PARD6B: variants seen among roughly 807,000 people sequenced by gnomAD.
PARD6B encodes the protein partitioning defective 6 homolog beta.
In PARD6B, 4 loss-of-function variants were observed where a neutral mutation model predicts 10.5. That is an observed-to-expected ratio of 0.38 (90% confidence interval 0.19 to 0.87). The LOEUF (loss-of-function observed/expected upper bound fraction) is 0.87, where lower values mean the gene tolerates loss of function less well. Among genes scored for constraint, PARD6B ranks in the 40% least tolerant of loss-of-function variants. PARD6B has a pLI of 0.41. For missense variants in PARD6B, 396 were observed against 470.6 expected (o/e 0.84, Z 1.47); for synonymous variants, 169 against 170.4 (o/e 0.99, Z 0.07).
chr20:50,751,645 T>G lies in PARD6B; in HGVS notation c.*1157T>G. ...ACAGGCGTGAGCCACCGCGCCCAGT[T>G]GTGCATTTCTGGTTTCTAAGAATCA... On this transcript the variant is annotated 3_prime_UTR_variant, in exon 3 of 3. Coordinates refer to ENST00000371610, the MANE Select transcript of PARD6B (RefSeq NM_032521.3). The G allele has an allele frequency of 1.0e-6, 1 of 984,948 alleles. No homozygotes were observed. Among genetic ancestry groups the G allele is most frequent in the Middle Eastern group, 5.2e-4 (1 of 1,912 alleles). The allele number at this position is 984,948 out of a possible 1,614,324, so 61.0% of individuals were successfully genotyped here. A position where few individuals can be genotyped will look rare whatever the true frequency, so the allele number is the denominator to read the frequency against.
intron 1 of PARD6B, 82 bp from the exon 2 acceptor site, chr20:50,737,775 A>G: frequency 1.1e-6 from 1 of 919,892 alleles, no homozygotes; most frequent in South Asian, 2.0e-5. Context: ...CTGCTCGTTA[A>G]TTTTTCTATG....
chr20:50,748,909 C>T (rs1019348607), intron 2 of PARD6B, among the ~76,000 whole-genome samples: 29 of 152,142 alleles, frequency 1.9e-4, no homozygotes, highest in African/African-American at 7.0e-4. Context: ...CACAGTAGCT[C>T]TCACCTGTAC....
intron 1 of PARD6B, 140 bp downstream of exon 1, chr20:50,731,992 G>T: frequency 1.8e-5 from 8 of 450,650 alleles, no homozygotes; most frequent in Non-Finnish European, 2.7e-5. Context: ...GAGACTGTGG[G>T]TAATAAACTT....
intron 1 of PARD6B, among the ~76,000 whole-genome samples, chr20:50,734,319 A>G (rs1468556685): frequency 2.0e-5 from 3 of 152,014 alleles, no homozygotes; most frequent in Non-Finnish European, 4.4e-5. Flanking sequence ...CTGATTGCTA[A>G]GAGTTTATAA....
At chr20:50,735,116 C>T (rs1326210298) in intron 1 of PARD6B, among the ~76,000 whole-genome samples, 1 of 151,160 alleles carries the variant, frequency 6.6e-6, no homozygotes, top group Non-Finnish European at 1.5e-5. Flanking sequence ...CGCCACTGCA[C>T]TTCAGAGCCT....
intron 2 of PARD6B, among the ~76,000 whole-genome samples, chr20:50,747,911 A>C (rs1318473500): frequency 6.6e-6 from 1 of 152,250 alleles, no homozygotes; most frequent in Non-Finnish European, 1.5e-5. Flanking sequence ...AGTTTGCCAG[A>C]GTCCTACTAC....
chr20:50,735,404 A>C (rs968357589), intron 1 of PARD6B, among the ~76,000 whole-genome samples: 5 of 152,184 alleles, frequency 3.3e-5, no homozygotes, highest in African/African-American at 1.2e-4. Flanking sequence ...TTGAGTCATA[A>C]AATTTCCTAA....
intron 1 of PARD6B, among the ~76,000 whole-genome samples, chr20:50,732,137 G>T (rs1178872207): frequency 6.6e-6 from 1 of 152,238 alleles, no homozygotes; most frequent in East Asian, 1.9e-4. Flanking sequence ...TAGGGGCCAA[G>T]GTATATCCAA....
chr20:50,753,387 G>A lies in PARD6B; in HGVS notation c.*2899G>A. ...TGGTAGGCTGAATCAATTATTTCAA[G>A]TGCACCTTATTAACAAAAGTATCAG... is the stretch of plus-strand genomic sequence containing the variant. On this transcript the variant is annotated 3_prime_UTR_variant, in exon 3 of 3. Transcript: ENST00000371610. 1 of 984,918 alleles carries A rather than the reference G, an allele frequency of 1.0e-6. No homozygotes were observed. Among genetic ancestry groups the A allele is most frequent in the Non-Finnish European group, 1.2e-6 (1 of 829,164 alleles). The allele number at this position is 984,918 out of a possible 1,614,324, so 61.0% of individuals were successfully genotyped here. A position where few individuals can be genotyped will look rare whatever the true frequency, so the allele number is the denominator to read the frequency against.
chr20:50,745,442 C>G (rs536686061), intron 2 of PARD6B, among the ~76,000 whole-genome samples: 3 of 151,472 alleles, frequency 2.0e-5, no homozygotes, highest in African/African-American at 7.3e-5. Context: ...CCAGATCTAT[C>G]TCATTTAACC....
At chr20:50,744,441 T>C (rs546220972) in intron 2 of PARD6B, among the ~76,000 whole-genome samples, 9 of 152,238 alleles carry the variant, frequency 5.9e-5, no homozygotes, top group Admixed American at 5.9e-4. Context: ...GTCCTCCCCC[T>C]CCACGTCCTT....
chr20:50,751,813 T>C lies in PARD6B; in HGVS notation c.*1325T>C, dbSNP rs1293369045. 16 of 928,550 alleles carry C rather than the reference T, an allele frequency of 1.7e-5. No individual in the cohort carries two copies. In the Admixed American group the frequency reaches 3.2e-4, roughly 18 times the overall value. 57.5% of individuals were successfully genotyped at this position (928,550 alleles called of 1,614,324 possible). ...AGCTCCCGGGTTCAAGCAATTCTCC[T>C]GCCTCAGCCTTCTGAGTAGCTAAGA... On this transcript the variant is annotated 3_prime_UTR_variant, in exon 3 of 3. Coordinates refer to ENST00000371610, the MANE Select transcript of PARD6B (RefSeq NM_032521.3).
chr20:50,731,711 C>T lies in PARD6B; in HGVS notation c.-76C>T. 8 of 1,300,100 alleles carry T rather than the reference C, an allele frequency of 6.2e-6. No individual in the cohort carries two copies. The highest frequency in any genetic ancestry group is 8.0e-6 in the Non-Finnish European group (8 of 1,005,650). The allele number at this position is 1,300,100 out of a possible 1,614,324, so 80.5% of individuals were successfully genotyped here. A position where few individuals can be genotyped will look rare whatever the true frequency, so the allele number is the denominator to read the frequency against. ...GGCCGCAACCGCTTTCCGAGATCCC[C>T]AGTCGCGCACTCGCTCCCCGCGCTC... On this transcript the variant is annotated 5_prime_UTR_variant, in exon 1 of 3. Transcript: ENST00000371610.
intron 2 of PARD6B, among the ~76,000 whole-genome samples, chr20:50,744,470 G>A (rs568521421): frequency 2.6e-5 from 4 of 152,272 alleles, no homozygotes; most frequent in African/African-American, 9.6e-5. Flanking sequence ...TGCAGCCGGA[G>A]TGAGCTTTGT....
At chr20:50,736,509 T>G (rs554134131) in intron 1 of PARD6B, among the ~76,000 whole-genome samples, 14 of 152,334 alleles carry the variant, frequency 9.2e-5, no homozygotes, top group Admixed American at 7.2e-4. Flanking sequence ...AAAGTGCTGG[T>G]CTCCGCAGTG....
chr20:50,731,882 C>CGGGCCTGGGGGGCCG, intron 1 of PARD6B, 30 bp downstream of exon 1: 1 of 1,407,846 alleles, frequency 7.1e-7, no homozygotes, highest in Non-Finnish European at 9.2e-7. Flanking sequence ...GGCGGAGCGG[C>CGGGCCTGGGGGGCCG]GGGCCTGGGG....
Position 50,749,693 on chromosome 20 carries a change from G to A in PARD6B, c.324G>A (p.Thr108=), listed in dbSNP as rs972739445. The A allele has an allele frequency of 9.9e-6, 16 of 1,610,232 alleles. No homozygotes were observed. Among genetic ancestry groups the A allele is most frequent in the African/African-American group, 2.7e-5 (2 of 74,694 alleles). Reference sequence around the variant, plus strand: ...ACTACAGTGCCTTTGGTACAGACACGCTAATAAAGAAGAAGAATGTTTTAA... The same window carrying A: ...ACTACAGTGCCTTTGGTACAGACACACTAATAAAGAAGAAGAATGTTTTAA... ...EADYSAFGTD[T]LIKKKNVLTN... The change falls in exon 3 of 3, where the codon ACG becomes ACA. Residue 108 remains threonine (T), a synonymous_variant. Coordinates refer to ENST00000371610, the MANE Select transcript of PARD6B (RefSeq NM_032521.3).
Position 50,742,165 on chromosome 20 carries a change from T to G in PARD6B, c.289+4086T>G, listed in dbSNP as rs548338112. ...CCTCCCAGGTTCTTGTGCCTCAGCTTCCAGAGTGGCTGGGACTACAGATGC... is the reference window on the plus strand; with the variant it reads ...CCTCCCAGGTTCTTGTGCCTCAGCTGCCAGAGTGGCTGGGACTACAGATGC... On this transcript the variant is annotated intron_variant, in intron 2 of 2. Transcript: ENST00000371610. Among the ~76,000 whole-genome samples, 10 of 152,160 alleles carry G rather than the reference T, an allele frequency of 6.6e-5. No homozygotes were observed. In the East Asian group the frequency reaches 1.7e-3, roughly 27 times the overall value.
chr20:50,748,601 C>T (rs910734966), intron 2 of PARD6B, among the ~76,000 whole-genome samples: 4 of 152,138 alleles, frequency 2.6e-5, no homozygotes, highest in Admixed American at 6.5e-5. Context: ...GATCATAGTG[C>T]GCTGCAGACC....
Sources: allele counts gnomAD v4.1 joint callset (sites outside exome capture counted in the v4.1 genomes callset), GRCh38; gene constraint gnomAD v4.1.1; transcripts MANE v1.5; gene names NCBI Gene and HGNC (gene_info 2026-07-23, HGNC 2026-07-21).